The following YAP1 variants were observed in gnomAD, a reference collection of about 807,000 sequenced individuals.
The protein encoded by YAP1 is transcriptional coactivator YAP1.
Under a neutral mutation model 56.9 loss-of-function variants are expected in YAP1, and 5 were observed. The observed-to-expected ratio is 0.09, with a 90% CI of 0.05 to 0.18. YAP1 has a LOEUF of 0.18. Among genes scored for constraint, YAP1 ranks in the 10% least tolerant of loss-of-function variants. YAP1 has a pLI of 1.00. For synonymous variants in YAP1, 265 were observed against 248.1 expected, an observed-to-expected ratio of 1.07 and a Z score of -0.64; for missense variants, 539 against 651.8, an observed-to-expected ratio of 0.83 and a Z score of 1.88.
intron 2 of YAP1, among the ~76,000 whole-genome samples, chr11:102,146,289 C>T (rs533538761): frequency 2.0e-5 from 3 of 152,228 alleles, no homozygotes; most frequent in African/African-American, 4.8e-5. Flanking sequence ...TCCCAAAGTG[C>T]GAGGGTTACA....
intron 3 of YAP1, among the ~76,000 whole-genome samples, chr11:102,171,519 T>C (rs1946898634): frequency 6.6e-6 from 1 of 152,232 alleles, no homozygotes; most frequent in Admixed American, 6.5e-5. Context: ...GAAGTCTAAG[T>C]GTGCTATTTG....
At chr11:102,228,560 G>T (rs753516270) in intron 8 of YAP1, among the ~76,000 whole-genome samples, 10 of 148,632 alleles carry the variant, frequency 6.7e-5, no homozygotes, top group Non-Finnish European at 1.3e-4. Flanking sequence ...ATTTGAACCC[G>T]GGAGGCGGAG....
At chr11:102,213,147 C>A (rs183350739) in intron 6 of YAP1, among the ~76,000 whole-genome samples, 55 of 152,248 alleles carry the variant, frequency 3.6e-4, no homozygotes, top group African/African-American at 1.3e-3. Context: ...GAAAGATAGT[C>A]CCCCCTGAGG....
chr11:102,148,539 G>A (rs1945452392), intron 2 of YAP1, among the ~76,000 whole-genome samples: 1 of 152,118 alleles, frequency 6.6e-6, no homozygotes, highest in Non-Finnish European at 1.5e-5. Flanking sequence ...GCATTAATGT[G>A]CCTAGTTTAA....
At chr11:102,122,830 G>T (rs1943745618) in intron 2 of YAP1, among the ~76,000 whole-genome samples, 1 of 145,250 alleles carries the variant, frequency 6.9e-6, no homozygotes, top group Admixed American at 7.1e-5. Flanking sequence ...GGAGGTGGAG[G>T]TTGCAGCAGT....
intron 2 of YAP1, among the ~76,000 whole-genome samples, chr11:102,129,211 A>C (rs1944227723): frequency 6.6e-6 from 1 of 152,112 alleles, no homozygotes; most frequent in Admixed American, 6.6e-5. Flanking sequence ...TTCAGTCCCT[A>C]ATAGACCATT....
intron 2 of YAP1, among the ~76,000 whole-genome samples, chr11:102,115,856 A>G (rs1271415896): frequency 2.0e-5 from 3 of 152,212 alleles, no homozygotes; most frequent in African/African-American, 2.4e-5. Context: ...GAAAGGCTGC[A>G]CTTTTTTGAA....
At chr11:102,202,718 G>A (rs987451492) in intron 4 of YAP1, among the ~76,000 whole-genome samples, 1 of 152,022 alleles carries the variant, frequency 6.6e-6, no homozygotes, top group Non-Finnish European at 1.5e-5. Context: ...GAAATAATGG[G>A]TTTAGGTTTA....
chr11:102,130,022 C>T (rs61918361), intron 2 of YAP1, among the ~76,000 whole-genome samples: 65,874 of 151,792 alleles, frequency 0.43, 15,656 homozygotes, highest in Middle Eastern at 0.56. Flanking sequence ...AGTAATCCAC[C>T]TGCCTCAGCT....
chr11:102,197,609 G>A (rs1176075625), intron 4 of YAP1, among the ~76,000 whole-genome samples: 1 of 152,122 alleles, frequency 6.6e-6, no homozygotes, highest in Non-Finnish European at 1.5e-5. Flanking sequence ...CCATAAAGCT[G>A]TCAGGGCTGA....
chr11:102,177,904 TA>T (rs1311183285), intron 3 of YAP1, among the ~76,000 whole-genome samples: 2 of 151,950 alleles, frequency 1.3e-5, no homozygotes, highest in Non-Finnish European at 2.9e-5. Context: ...AAAAGAGGAT[TA>T]AAAAAATATG....
At position 102,135,058 on chromosome 11, in the gene YAP1, G is replaced by T. The variant is rs148154220; in HGVS notation, c.572+20664G>T. Among the ~76,000 whole-genome samples the T allele has an allele frequency of 5.9e-3, 900 of 152,164 alleles. 9 individuals are homozygous for T. The highest frequency in any genetic ancestry group is 0.02 in the African/African-American group (845 of 41,526). On this transcript the variant is annotated intron_variant, in intron 2 of 8. Coordinates refer to ENST00000282441, the MANE Select transcript of YAP1 (RefSeq NM_001130145.3). ...CTAATTTTGTATTTTTAGTAGATTC[G>T]GGATTTCACTATGTTGGCCAGGCTG...
At chr11:102,146,425 T>C (rs1024757470) in intron 2 of YAP1, among the ~76,000 whole-genome samples, 20 of 152,354 alleles carry the variant, frequency 1.3e-4, no homozygotes, top group Admixed American at 1.2e-3. Context: ...CTTTTACATG[T>C]TGTATATTCA....
At chr11:102,178,193 C>T (rs1384103208) in intron 3 of YAP1, among the ~76,000 whole-genome samples, 3 of 152,184 alleles carry the variant, frequency 2.0e-5, no homozygotes, top group African/African-American at 7.2e-5. Flanking sequence ...CATAAATACA[C>T]GAGACCAGAA....
intron 2 of YAP1, among the ~76,000 whole-genome samples, chr11:102,138,370 T>G (rs1591192374): frequency 6.6e-6 from 1 of 152,126 alleles, no homozygotes; most frequent in African/African-American, 2.4e-5. Flanking sequence ...GGCTGGAGGG[T>G]CTAGGAAGGT....
chr11:102,122,652 G>T (rs138841291), intron 2 of YAP1, among the ~76,000 whole-genome samples: 150 of 152,100 alleles, frequency 9.9e-4, no homozygotes, highest in Non-Finnish European at 1.4e-3. Flanking sequence ...CCAGCACTTC[G>T]GAAGGCCAAG....
chr11:102,163,521 C>T (rs1946420090), intron 3 of YAP1, among the ~76,000 whole-genome samples: 1 of 152,198 alleles, frequency 6.6e-6, no homozygotes, highest in South Asian at 2.1e-4. Flanking sequence ...TTTCTGACCA[C>T]TCCCCTGGCC....
chr11:102,201,458 A>G (rs748574809), intron 4 of YAP1, among the ~76,000 whole-genome samples: 23 of 152,228 alleles, frequency 1.5e-4, no homozygotes, highest in Non-Finnish European at 1.0e-4. Flanking sequence ...AAATTCAAAG[A>G]CAGAATGTCA....
chr11:102,149,538 T>C (rs1270041470), intron 2 of YAP1, among the ~76,000 whole-genome samples: 1 of 152,242 alleles, frequency 6.6e-6, no homozygotes, highest in African/African-American at 2.4e-5. Flanking sequence ...GCAATTTACA[T>C]GGAAGTGGCT....
Sources: allele counts gnomAD v4.1 joint callset (sites outside exome capture counted in the v4.1 genomes callset), GRCh38; gene constraint gnomAD v4.1.1; transcripts MANE v1.5; gene names NCBI Gene and HGNC (gene_info 2026-07-23, HGNC 2026-07-21).